Variants in ASCC3 observed in about 807,000 individuals in gnomAD.
The protein encoded by ASCC3 is activating signal cointegrator 1 complex subunit 3.
ASCC3 carries 158 observed loss-of-function variants against 256.3 expected under a neutral mutation model. The observed-to-expected ratio is 0.62, with a 90% confidence interval of 0.54 to 0.70. ASCC3 has a LOEUF of 0.70. Among genes scored for constraint, ASCC3 ranks in the 30% least tolerant of loss-of-function variants. ASCC3 has a pLI of 0.00. For synonymous variants in ASCC3, 948 were observed against 883.4 expected (o/e 1.07, Z -1.30); for missense variants, 2,259 against 2,626.0 (o/e 0.86, Z 3.05).
chr6:100,733,416 C>T (rs954928277), intron 10 of ASCC3, among the ~76,000 whole-genome samples: 1 of 152,020 alleles, frequency 6.6e-6, no homozygotes, highest in African/African-American at 2.4e-5. Context: ...AGTGGATTTT[C>T]ACTCTATTAG....
At chr6:100,790,599 A>G (rs2114300936) in intron 8 of ASCC3, among the ~76,000 whole-genome samples, 1 of 152,118 alleles carries the variant, frequency 6.6e-6, no homozygotes, top group Non-Finnish European at 1.5e-5. Flanking sequence ...ATCCAGTTCT[A>G]AAGCAATTTG....
At chr6:100,590,085 AT>A (rs1562145381) in intron 34 of ASCC3, 26 bp from the exon 35 acceptor site, 1 of 1,514,758 alleles carries the variant, frequency 6.6e-7, no homozygotes, top group Admixed American at 1.7e-5. Flanking sequence ...GGTTATTATT[AT>A]TTGTTTCAAG....
intron 10 of ASCC3, among the ~76,000 whole-genome samples, chr6:100,744,809 T>A (rs1034918055): frequency 6.6e-6 from 1 of 152,196 alleles, no homozygotes; most frequent in Non-Finnish European, 1.5e-5. Flanking sequence ...CAGAGAGCAT[T>A]CTGCAAGACC....
At chr6:100,560,994 A>C (rs1769914073) in intron 36 of ASCC3, among the ~76,000 whole-genome samples, 1 of 152,038 alleles carries the variant, frequency 6.6e-6, no homozygotes, top group Non-Finnish European at 1.5e-5. Context: ...ATGAGGATAC[A>C]TCAGGTATAT....
chr6:100,610,135 A>G (rs1443729906), intron 30 of ASCC3, among the ~76,000 whole-genome samples: 1 of 152,220 alleles, frequency 6.6e-6, no homozygotes, highest in Non-Finnish European at 1.5e-5. Flanking sequence ...ACAGGGGAGA[A>G]GTAACTTGGA....
At chr6:100,724,766 G>T (rs538089854) in intron 11 of ASCC3, among the ~76,000 whole-genome samples, 2 of 152,028 alleles carry the variant, frequency 1.3e-5, no homozygotes, top group South Asian at 4.2e-4. Context: ...TAAGAATACG[G>T]CATGACAGGG....
chr6:100,856,799 T>C (rs1348754751), intron 3 of ASCC3: 1 of 152,166 alleles, frequency 6.6e-6, no homozygotes, highest in Non-Finnish European at 1.5e-5. Flanking sequence ...CTGTAATCCG[T>C]TACTGCTATA....
At chr6:100,603,529 T>G (rs1772732624) in intron 33 of ASCC3, among the ~76,000 whole-genome samples, 1 of 152,088 alleles carries the variant, frequency 6.6e-6, no homozygotes, top group Non-Finnish European at 1.5e-5. Flanking sequence ...TCATTTCCTA[T>G]CTCAAAGGGA....
At chr6:100,880,089 A>C (rs114765790) in intron 1 of ASCC3, among the ~76,000 whole-genome samples, 4,091 of 152,284 alleles carry the variant, frequency 0.027, 189 homozygotes, top group African/African-American at 0.094. Flanking sequence ...AGCAGGGATC[A>C]AGAAAGCTGA....
At chr6:100,781,569 T>C (rs1169387140) in intron 8 of ASCC3, among the ~76,000 whole-genome samples, 1 of 133,502 alleles carries the variant, frequency 7.5e-6, no homozygotes, top group Non-Finnish European at 1.6e-5. Flanking sequence ...TTTTTTTTTT[T>C]AGTAGAGACA....
In ASCC3 at chr6:100,849,687, T is replaced by C. The variant is rs17061184; in HGVS notation, c.242-980A>G. On this transcript the variant is annotated intron_variant, in intron 3 of 41. Transcript: ENST00000369162. The stretch of plus-strand genomic sequence containing the variant: ...AAAAAAAGAATCTGTATTTCTGACA[T>C]GGGTTTCAAAGAATATTCTTAGAGA... 4.5e-3 allele frequency among the ~76,000 whole-genome samples: 679 copies of C among 152,264 alleles called. 22 individuals carry two copies. Among genetic ancestry groups the C allele is most frequent in the East Asian group, 0.032 (165 of 5,184 alleles).
chr6:100,531,769 G>A lies in ASCC3; in HGVS notation c.5775+8394C>T, dbSNP rs1228718188. Among the ~76,000 whole-genome samples, 4 of 152,062 alleles carry A rather than the reference G, an allele frequency of 2.6e-5. No individual in the cohort carries two copies. The East Asian group carries it at 7.7e-4, about 29-fold the overall frequency. On this transcript the variant is annotated intron_variant, in intron 37 of 41. Coordinates refer to ENST00000369162, the MANE Select transcript of ASCC3 (RefSeq NM_006828.4). ...CTTACCTTACCCATGTTTATATATA[G>A]TTGTCCTGTGGGGAGCTTTTATTTA...
intron 13 of ASCC3, among the ~76,000 whole-genome samples, chr6:100,697,416 CA>C (rs34378817): frequency 0.59 from 89,051 of 150,638 alleles, 26,716 homozygotes; most frequent in East Asian, 0.73. Context: ...CTGAGACACA[CA>C]AAAAAAAAGA....
intron 4 of ASCC3, among the ~76,000 whole-genome samples, chr6:100,833,033 A>C (rs1453996405): frequency 1.3e-5 from 2 of 152,172 alleles, no homozygotes; most frequent in Admixed American, 1.3e-4. Context: ...TTTAATTGCC[A>C]AAACTTAGAA....
chr6:100,705,582 A>G (rs1778540757), intron 13 of ASCC3, among the ~76,000 whole-genome samples: 1 of 152,046 alleles, frequency 6.6e-6, no homozygotes, highest in African/African-American at 2.4e-5. Context: ...ACCAGGGAGA[A>G]ATCCAAGATA....
At chr6:100,829,997 C>T (rs1771543336) in intron 4 of ASCC3, among the ~76,000 whole-genome samples, 1 of 151,908 alleles carries the variant, frequency 6.6e-6, no homozygotes, top group African/African-American at 2.4e-5. Flanking sequence ...TAAGTGTCTA[C>T]AACCAGATGA....
chr6:100,668,165 A>T (rs116260576), intron 14 of ASCC3, among the ~76,000 whole-genome samples: 1 of 152,154 alleles, frequency 6.6e-6, no homozygotes, highest in African/African-American at 2.4e-5. Context: ...GAGAGATCAT[A>T]TGTCTACAAG....
intron 14 of ASCC3, among the ~76,000 whole-genome samples, chr6:100,674,284 A>AT (rs896110795): frequency 2.0e-5 from 3 of 151,486 alleles, no homozygotes; most frequent in African/African-American, 7.3e-5. Context: ...TTTTTAAGAA[A>AT]TTTTTTTTCA....
chr6:100,519,447 T>G (rs947891352), intron 37 of ASCC3, among the ~76,000 whole-genome samples: 1 of 152,158 alleles, frequency 6.6e-6, no homozygotes, highest in Non-Finnish European at 1.5e-5. Flanking sequence ...TCCACTTATA[T>G]TCTTCCTTTT....
Sources: gnomAD v4.1 joint callset for allele counts (sites outside exome capture counted in the v4.1 genomes callset) on GRCh38, gnomAD v4.1.1 for gene constraint, MANE v1.5 for transcripts, NCBI Gene and HGNC (gene_info 2026-07-23, HGNC 2026-07-21) for gene names.